DFFB: variants seen among roughly 807,000 people sequenced by gnomAD.
The protein encoded by DFFB is DNA fragmentation factor subunit beta.
A neutral mutation model predicts 32.7 loss-of-function variants in DFFB; 29 were observed. The observed-to-expected ratio is 0.89, with a 90% CI of 0.66 to 1.21. The LOEUF is 1.21. DFFB is among the 50% of genes most tolerant of loss of function. The pLI is 0.00. For synonymous variants in DFFB, 170 were observed against 177.1 expected, an observed-to-expected ratio of 0.96 and a Z score of 0.32; for missense variants, 398 against 440.6, an observed-to-expected ratio of 0.90 and a Z score of 0.87.
intron 6 of DFFB, 42 bp downstream of exon 6, chr1:3,872,614 G>GGGCCCTGTCCCGGCCGC (rs1645141787): frequency 1.0e-6 from 1 of 959,256 alleles, no homozygotes; most frequent in Non-Finnish European, 1.5e-6. Flanking sequence ...AGTGCCTGCA[G>GGGCCCTGTCCCGGCCGC]GGCCCTGTCC....
rs1458565279 is a variant in DFFB, at chr1:3,869,691, C to T, written c.597C>T (p.Ser199=). Residue 199 remains serine (S), a synonymous_variant, in exon 5 of 7, where the codon TCC becomes TCT. Transcript: ENST00000378209. ...VLGSMCQRLR[S]MQYNGSYFDR... is the part of the protein sequence containing the mutation. ...GCTCCATGTGCCAGAGGCTCCGGTC[C>T]ATGCAGTACAATGGCAGCTACTTCG... 1 of 1,613,416 alleles carries T rather than the reference C, an allele frequency of 6.2e-7. No individual in the cohort carries two copies. Among genetic ancestry groups the T allele is most frequent in the South Asian group, 1.1e-5 (1 of 91,070 alleles).
intron 2 of DFFB, among the ~76,000 whole-genome samples, chr1:3,859,426 T>A (rs1325337636): frequency 1.3e-5 from 2 of 152,118 alleles, no homozygotes; most frequent in African/African-American, 4.8e-5. Flanking sequence ...CTTGTTTGAC[T>A]CCCGTAAAAG....
intron 6 of DFFB, among the ~76,000 whole-genome samples, chr1:3,874,260 T>C (rs1382028399): frequency 3.8e-4 from 47 of 125,258 alleles, no homozygotes; most frequent in East Asian, 1.0e-3. Context: ...TGGCCTCCCA[T>C]GCTGTGGTCT....
intron 5 of DFFB, 55 bp from the exon 6 acceptor site, chr1:3,872,417 A>T (rs913920025): frequency 7.4e-5 from 103 of 1,393,768 alleles, no homozygotes; most frequent in Non-Finnish European, 1.0e-4. Context: ...GTCTCAAGAA[A>T]AAAAAAAAAA....
Position 3,857,516 on chromosome 1 carries a change from C to A in DFFB, c.-88C>A, listed in dbSNP as rs893954426. The A allele has an allele frequency of 2.1e-6, 2 of 944,040 alleles. No individual in the cohort carries two copies. The highest frequency in any genetic ancestry group is 2.3e-4 in the Middle Eastern group (1 of 4,262). 58.5% of individuals were successfully genotyped at this position (944,040 alleles called of 1,614,324 possible). ...GCTTGCAGAGCTCACCAGGTGCAGACCCCTGCGGCCAGGGCGAGGACGGAT... is the reference window on the plus strand; with the variant it reads ...GCTTGCAGAGCTCACCAGGTGCAGAACCCTGCGGCCAGGGCGAGGACGGAT... On this transcript the variant is annotated 5_prime_UTR_variant, in exon 1 of 7. Coordinates refer to ENST00000378209, the MANE Select transcript of DFFB (RefSeq NM_004402.4).
At position 3,883,734 on chromosome 1, in the gene DFFB, G is replaced by A. The variant is rs368975039; in HGVS notation, c.1010G>A (p.Arg337His). The change falls in exon 7 of 7, where the codon CGC becomes CAC. Residue 337 changes from arginine (R) to histidine (H), a missense_variant. Physicochemically the swap from Arg to His is conservative, Grantham distance 29. Transcript: ENST00000378209. ...AAGCGGAAGCAGCCTGTGCGGAAAC[G>A]CCAGTGACACGTACACACCACGTCC... ...RLKRKQPVRK[R>H]Q is the part of the protein sequence containing the mutation. 11 of 1,613,796 alleles carry A rather than the reference G, an allele frequency of 6.8e-6. No individual in the cohort carries two copies. Among genetic ancestry groups the A allele is most frequent in the East Asian group, 2.2e-5 (1 of 44,890 alleles).
At chr1:3,864,014 T>C (rs1376612473) in intron 2 of DFFB, among the ~76,000 whole-genome samples, 1 of 152,176 alleles carries the variant, frequency 6.6e-6, no homozygotes, top group African/African-American at 2.4e-5. Flanking sequence ...CTCCCCAGGC[T>C]GGAGTACAGT....
At chr1:3,878,691 C>T (rs1645274783) in intron 6 of DFFB, among the ~76,000 whole-genome samples, 1 of 152,194 alleles carries the variant, frequency 6.6e-6, no homozygotes, top group Admixed American at 6.5e-5. Flanking sequence ...CTGCTGTCCC[C>T]TCTCCCGGGC....
At position 3,883,788 on chromosome 1, in the gene DFFB, A is replaced by C; in HGVS notation, c.*47A>C. On this transcript the variant is annotated 3_prime_UTR_variant, in exon 7 of 7. Coordinates refer to ENST00000378209, the MANE Select transcript of DFFB (RefSeq NM_004402.4). Reference sequence around the variant, plus strand: ...TCTTTGTTTGAGGCCTGACGTGGGCATCATTTTAACAGGTGCCTTTTTTGT... The same window carrying C: ...TCTTTGTTTGAGGCCTGACGTGGGCCTCATTTTAACAGGTGCCTTTTTTGT... 1.3e-6 allele frequency: 2 copies of C among 1,550,726 alleles called. No homozygotes were observed. The highest frequency in any genetic ancestry group is 1.8e-6 in the Non-Finnish European group (2 of 1,130,476).
chr1:3,858,712 C>T lies in DFFB; in HGVS notation c.115-6C>T, dbSNP rs761446656. ...CCTCCTCCTGTTGCTTCTCCCGTCC[C>T]TGCAGCTCCCTGAGCGCGGTTCCCG... On this transcript the variant is annotated splice_region_variant and splice_polypyrimidine_tract_variant and intron_variant, in intron 1 of 6. Transcript: ENST00000378209. 5 of 1,613,658 alleles carry T rather than the reference C, an allele frequency of 3.1e-6. No individual in the cohort carries two copies. The Admixed American group carries it at 6.7e-5, about 22-fold the overall frequency.
intron 6 of DFFB, among the ~76,000 whole-genome samples, chr1:3,873,288 C>T (rs12756705): frequency 0.14 from 21,463 of 152,136 alleles, 1,521 homozygotes; most frequent in South Asian, 0.17. Context: ...GAGATGCATT[C>T]CTTGAATATA....
intron 6 of DFFB, among the ~76,000 whole-genome samples, chr1:3,876,767 C>T (rs936126084): frequency 6.6e-6 from 1 of 152,242 alleles, no homozygotes; most frequent in Non-Finnish European, 1.5e-5. Flanking sequence ...TGCACCTTCT[C>T]TTCCCACCCT....
At chr1:3,863,487 T>A (rs1644916530) in intron 2 of DFFB, among the ~76,000 whole-genome samples, 1 of 152,212 alleles carries the variant, frequency 6.6e-6, no homozygotes, top group African/African-American at 2.4e-5. Context: ...AATCGCCATG[T>A]GACCCAGCAG....
At chr1:3,874,330 G>GCC (rs1205249335) in intron 6 of DFFB, among the ~76,000 whole-genome samples, 1,725 of 86,422 alleles carry the variant, frequency 0.02, 30 homozygotes, top group South Asian at 0.025. Context: ...CACATACGTG[G>GCC]TGGCCCACGC....
Position 3,857,522 on chromosome 1 carries a change from C to A in DFFB, c.-82C>A. On this transcript the variant is annotated 5_prime_UTR_variant, in exon 1 of 7. Transcript: ENST00000378209. ...AGAGCTCACCAGGTGCAGACCCCTG[C>A]GGCCAGGGCGAGGACGGATCTGAGC... 2 of 1,033,216 alleles carry A rather than the reference C, an allele frequency of 1.9e-6. No homozygotes were observed. The highest frequency in any genetic ancestry group is 2.7e-6 in the Non-Finnish European group (2 of 739,052). 64.0% of individuals were successfully genotyped at this position (1,033,216 alleles called of 1,614,324 possible). A position where few individuals can be genotyped will look rare whatever the true frequency, so the allele number is the denominator to read the frequency against.
intron 2 of DFFB, among the ~76,000 whole-genome samples, chr1:3,861,336 C>A (rs1481322524): frequency 6.6e-6 from 1 of 152,070 alleles, no homozygotes; most frequent in Admixed American, 6.5e-5. Context: ...TTTGTTCAAC[C>A]ATTCGCCTGT....
At chr1:3,874,710 C>CT (rs1645188430) in intron 6 of DFFB, among the ~76,000 whole-genome samples, 1 of 138,950 alleles carries the variant, frequency 7.2e-6, no homozygotes, top group African/African-American at 2.7e-5. Context: ...GTTTAACATG[C>CT]ACATATGTGG....
chr1:3,871,935 A>G (rs12731872), intron 5 of DFFB, among the ~76,000 whole-genome samples: 74,302 of 151,938 alleles, frequency 0.49, 18,791 homozygotes, highest in Non-Finnish European at 0.53. Flanking sequence ...GCCAGATCTC[A>G]GGAGGACTCA....
At chr1:3,873,897 C>T (rs1306465995) in intron 6 of DFFB, among the ~76,000 whole-genome samples, 1 of 152,182 alleles carries the variant, frequency 6.6e-6, no homozygotes, top group Non-Finnish European at 1.5e-5. Flanking sequence ...TGGGGACATT[C>T]AACCTGTATT....
Sources: gnomAD v4.1 joint callset for allele counts (sites outside exome capture counted in the v4.1 genomes callset) on GRCh38, gnomAD v4.1.1 for gene constraint, MANE v1.5 for transcripts, NCBI Gene and HGNC (gene_info 2026-07-23, HGNC 2026-07-21) for gene names.